Variants in CARMIL1 observed in about 807,000 individuals in gnomAD.
The protein encoded by CARMIL1 is F-actin-uncapping protein LRRC16A.
In CARMIL1, 90 loss-of-function variants were observed where a neutral mutation model predicts 177.1. That is an observed-to-expected ratio of 0.51 (90% CI 0.43 to 0.61). CARMIL1 has a LOEUF of 0.61. Among genes scored for constraint, CARMIL1 ranks in the 20% least tolerant of loss-of-function variants. The probability of loss-of-function intolerance (pLI) is 0.00; values close to 1 mark genes in which losing one functional copy is unlikely to be tolerated. For missense variants in CARMIL1, 1,380 were observed against 1,667.0 expected, an observed-to-expected ratio of 0.83 and a Z score of 3.00; for synonymous variants, 577 against 606.2, an observed-to-expected ratio of 0.95 and a Z score of 0.71.
chr6:25,543,004 C>G (rs961696130), intron 26 of CARMIL1, among the ~76,000 whole-genome samples: 3 of 152,114 alleles, frequency 2.0e-5, no homozygotes, highest in Admixed American at 2.0e-4. Context: ...GTTAAACTTG[C>G]AAGAGCTAAA....
At chr6:25,517,609 T>C (rs976150461) in intron 22 of CARMIL1, among the ~76,000 whole-genome samples, 194 bp downstream of exon 22, 2 of 152,182 alleles carry the variant, frequency 1.3e-5, no homozygotes, top group Non-Finnish European at 2.9e-5. Context: ...TCCTTATGTA[T>C]GAAATGAGGG....
chr6:25,449,918 C>T lies in CARMIL1; in HGVS notation c.392C>T (p.Ser131Phe), dbSNP rs773573160. 1 of 1,609,704 alleles carries T rather than the reference C, an allele frequency of 6.2e-7. No individual in the cohort carries two copies. Among genetic ancestry groups the T allele is most frequent in the Non-Finnish European group, 8.5e-7 (1 of 1,177,430 alleles). ...TACAGGAGAATCATGAAAAAAGTCT[C>T]CATGGAGCCATCTGAGCGCCTGGCT... ...LSPVRIMKKV[S>F]MEPSERLASL... The change falls in exon 6 of 37, where the codon TCC becomes TTC. Residue 131 changes from serine (S) to phenylalanine (F), a missense_variant. Physicochemically the swap from Ser to Phe is radical, Grantham distance 155. Transcript: ENST00000329474.
At chr6:25,403,813 C>A (rs948623848) in intron 2 of CARMIL1, among the ~76,000 whole-genome samples, 5 of 152,178 alleles carry the variant, frequency 3.3e-5, no homozygotes, top group Admixed American at 6.5e-5. Context: ...TTTTGTACTA[C>A]ATTTTTCTCC....
chr6:25,372,747 C>A (rs1000908251), intron 2 of CARMIL1, among the ~76,000 whole-genome samples: 3 of 152,052 alleles, frequency 2.0e-5, no homozygotes, highest in African/African-American at 7.2e-5. Context: ...TTCTCTCTTG[C>A]CTGATTGCTC....
chr6:25,382,602 C>G (rs930413731), intron 2 of CARMIL1, among the ~76,000 whole-genome samples: 1 of 152,136 alleles, frequency 6.6e-6, no homozygotes, highest in Non-Finnish European at 1.5e-5. Context: ...GTACATTTTA[C>G]AGAGTGCTGA....
chr6:25,456,456 C>A (rs947288717), intron 8 of CARMIL1, among the ~76,000 whole-genome samples: 1 of 152,082 alleles, frequency 6.6e-6, no homozygotes, highest in African/African-American at 2.4e-5. Context: ...GAAAAATGCC[C>A]ACTCCAGTTG....
At chr6:25,538,338 C>T (rs929695102) in intron 25 of CARMIL1, among the ~76,000 whole-genome samples, 4 of 152,156 alleles carry the variant, frequency 2.6e-5, no homozygotes, top group East Asian at 1.9e-4. Context: ...GCTTCTCTCA[C>T]GTTAGACTTT....
chr6:25,284,683 T>C (rs1440462053), intron 1 of CARMIL1, 129 bp from the exon 2 acceptor site: 4 of 574,770 alleles, frequency 7.0e-6, no homozygotes, highest in Non-Finnish European at 1.3e-5. Context: ...CACTCCAGCC[T>C]GGGTGACAGA....
chr6:25,465,731 T>C, intron 8 of CARMIL1, 142 bp from the exon 9 acceptor site: 2 of 639,508 alleles, frequency 3.1e-6, no homozygotes, highest in Admixed American at 2.7e-5. Context: ...GAGAACTTAG[T>C]TGTTGTCTAG....
chr6:25,446,242 T>G (rs1366353602), intron 5 of CARMIL1, among the ~76,000 whole-genome samples: 1 of 152,198 alleles, frequency 6.6e-6, no homozygotes, highest in Non-Finnish European at 1.5e-5. Flanking sequence ...CATTGACTTC[T>G]CCCTAGCTAA....
intron 2 of CARMIL1, among the ~76,000 whole-genome samples, chr6:25,310,584 C>T (rs988334267): frequency 6.6e-6 from 1 of 152,176 alleles, no homozygotes; most frequent in African/African-American, 2.4e-5. Context: ...TTCTATATTC[C>T]GGGTTGCAAT....
At chr6:25,524,496 G>C (rs889230115) in intron 23 of CARMIL1, among the ~76,000 whole-genome samples, 7 of 152,164 alleles carry the variant, frequency 4.6e-5, no homozygotes, top group Non-Finnish European at 2.9e-5. Context: ...CCAGCTCTTA[G>C]CCAGTTAACA....
At chr6:25,300,165 C>A (rs1042952755) in intron 2 of CARMIL1, among the ~76,000 whole-genome samples, 1 of 151,840 alleles carries the variant, frequency 6.6e-6, no homozygotes, top group African/African-American at 2.4e-5. Flanking sequence ...TATGATATAG[C>A]CATTGTTGAT....
chr6:25,608,155 T>C (rs900340202), intron 35 of CARMIL1, among the ~76,000 whole-genome samples: 1 of 152,182 alleles, frequency 6.6e-6, no homozygotes, highest in African/African-American at 2.4e-5. Context: ...TGAATCTAGT[T>C]TGTAGAGTAA....
At chr6:25,450,767 C>A in intron 8 of CARMIL1, 56 bp downstream of exon 8, 3 of 387,924 alleles carry the variant, frequency 7.7e-6, no homozygotes, top group Middle Eastern at 6.9e-4. Context: ...TCCCTCCCTT[C>A]CTCCCTCCCC....
intron 9 of CARMIL1, among the ~76,000 whole-genome samples, chr6:25,467,706 T>G (rs573050834): frequency 1.1e-3 from 160 of 152,286 alleles, no homozygotes; most frequent in South Asian, 6.0e-3. Flanking sequence ...TGTCCTGGGA[T>G]GGAAGGAAGT....
Position 25,451,986 on chromosome 6 carries a change from GCCCCCCCCT to G in CARMIL1, c.614+1284_614+1292del, listed in dbSNP as rs1380816396. ...TATGTCATCTCATCACTAGCATCTT[GCCCCCCCCT>G]CCCCCCCCCAGAATACTGTTTTGAA... On this transcript the variant is annotated intron_variant, in intron 8 of 36. Transcript: ENST00000329474. 37 of 117,200 alleles carry G rather than the reference GCCCCCCCCT, an allele frequency of 3.2e-4. 5 individuals carry two copies. Among genetic ancestry groups the G allele is most frequent in the Non-Finnish European group, 5.5e-4 (33 of 60,486 alleles). 7.3% of individuals were successfully genotyped at this position (117,200 alleles called of 1,614,324 possible). A position where few individuals can be genotyped will look rare whatever the true frequency, so the allele number is the denominator to read the frequency against.
At chr6:25,500,087 C>T in intron 16 of CARMIL1, 79 bp from the exon 17 acceptor site, 3 of 1,264,448 alleles carry the variant, frequency 2.4e-6, no homozygotes, top group African/African-American at 1.5e-5. Context: ...TTTCTCTAGG[C>T]TTTATTCAGT....
chr6:25,572,928 A>G (rs1290771205), intron 29 of CARMIL1, among the ~76,000 whole-genome samples: 2 of 152,068 alleles, frequency 1.3e-5, no homozygotes, highest in Non-Finnish European at 2.9e-5. Context: ...TACTAGTAAT[A>G]TTTTCTTTTT....
Sources: gnomAD v4.1 joint callset for allele counts (sites outside exome capture counted in the v4.1 genomes callset) on GRCh38, gnomAD v4.1.1 for gene constraint, MANE v1.5 for transcripts, NCBI Gene and HGNC (gene_info 2026-07-23, HGNC 2026-07-21) for gene names.